The following NR3C2 variants were observed in gnomAD, a reference collection of about 807,000 sequenced individuals.
NR3C2 encodes the protein nuclear receptor subfamily 3 group C member 2, also known as mineralocorticoid receptor.
Under a neutral mutation model 86.4 loss-of-function variants are expected in NR3C2, and 15 were observed. The ratio of observed to expected loss-of-function variants is 0.17; its 90% CI spans 0.12 to 0.27. The LOEUF (loss-of-function observed/expected upper bound fraction) is 0.27, where lower values mean the gene tolerates loss of function less well. NR3C2 is among the 10% of genes least tolerant of loss of function. The pLI is 1.00. For synonymous variants in NR3C2, 458 were observed against 450.5 expected, an observed-to-expected ratio of 1.02 and a Z score of -0.21; for missense variants, 960 against 1,195.6, an observed-to-expected ratio of 0.80 and a Z score of 2.91.
At chr4:148,338,950 G>T (rs1744623402) in intron 2 of NR3C2, among the ~76,000 whole-genome samples, 1 of 151,972 alleles carries the variant, frequency 6.6e-6, no homozygotes, top group South Asian at 2.1e-4. Flanking sequence ...CATCCCTTTT[G>T]CAGTATTTGA....
intron 3 of NR3C2, among the ~76,000 whole-genome samples, chr4:148,216,906 G>T (rs1414197326): frequency 1.3e-5 from 2 of 152,212 alleles, no homozygotes; most frequent in Non-Finnish European, 2.9e-5. Flanking sequence ...CCCACAAGCA[G>T]CTAAGTCTTA....
intron 6 of NR3C2, among the ~76,000 whole-genome samples, chr4:148,131,330 C>T (rs950037491): frequency 1.3e-5 from 2 of 152,104 alleles, no homozygotes; most frequent in Admixed American, 6.5e-5. Context: ...CAAACTGCAT[C>T]GTGTCTGAAT....
At chr4:148,243,195 T>TACCAAAAAAAAAAAAA (rs1739149281) in intron 3 of NR3C2, among the ~76,000 whole-genome samples, 1 of 152,050 alleles carries the variant, frequency 6.6e-6, no homozygotes, top group Non-Finnish European at 1.5e-5. Context: ...CATGCCTGGC[T>TACCAAAAAAAAAAAAA]AATTTTTGTT....
chr4:148,244,319 T>C (rs1020026693), intron 3 of NR3C2, among the ~76,000 whole-genome samples: 2 of 152,190 alleles, frequency 1.3e-5, no homozygotes, highest in Non-Finnish European at 2.9e-5. Flanking sequence ...AAAAATATGT[T>C]TTTAGACAAT....
At chr4:148,444,128 C>G (rs1421348703), upstream of NR3C2, 1 of 985,250 alleles carries the variant, frequency 1.0e-6, no homozygotes, top group African/African-American at 1.7e-5. Flanking sequence ...GGGCGGCGGG[C>G]GGGAGCAAGG....
At chr4:148,363,746 A>G (rs1381340950) in intron 2 of NR3C2, among the ~76,000 whole-genome samples, 2 of 151,624 alleles carry the variant, frequency 1.3e-5, no homozygotes, top group African/African-American at 2.4e-5. Context: ...CTTGTGATCC[A>G]CCCGCCTTGG....
At chr4:148,174,587 G>A (rs1023984214) in intron 4 of NR3C2, among the ~76,000 whole-genome samples, 112 of 152,326 alleles carry the variant, frequency 7.4e-4, no homozygotes, top group African/African-American at 2.6e-3. Flanking sequence ...GAGCATGTAG[G>A]GGGCAAGGCA....
chr4:148,201,646 A>G (rs1206514237), intron 3 of NR3C2, among the ~76,000 whole-genome samples: 1 of 151,960 alleles, frequency 6.6e-6, no homozygotes, highest in Non-Finnish European at 1.5e-5. Context: ...CTGCCTGCCA[A>G]CCCTGGCTGA....
intron 2 of NR3C2, among the ~76,000 whole-genome samples, chr4:148,292,151 C>T (rs1741827052): frequency 6.6e-6 from 1 of 151,170 alleles, no homozygotes; most frequent in Non-Finnish European, 1.5e-5. Context: ...AAATACTTTC[C>T]TATTATGTCT....
intron 2 of NR3C2, among the ~76,000 whole-genome samples, chr4:148,301,722 A>G (rs1742344982): frequency 6.6e-6 from 1 of 152,216 alleles, no homozygotes; most frequent in African/African-American, 2.4e-5. Context: ...CATAACATCA[A>G]GGGTTTTACA....
intron 7 of NR3C2, among the ~76,000 whole-genome samples, chr4:148,115,394 TAAGAAA>T (rs1300590603): frequency 1.3e-5 from 2 of 152,216 alleles, no homozygotes; most frequent in Admixed American, 6.5e-5. Flanking sequence ...TAACACTGAA[TAAGAAA>T]ATCAACTAGA....
intron 4 of NR3C2, among the ~76,000 whole-genome samples, chr4:148,192,840 C>T (rs550624987): frequency 6.6e-6 from 1 of 152,134 alleles, no homozygotes; most frequent in Non-Finnish European, 1.5e-5. Flanking sequence ...GCCACCCCAA[C>T]AGCCCAAGTC....
At chr4:148,404,831 G>A (rs1264351044) in intron 2 of NR3C2, among the ~76,000 whole-genome samples, 3 of 152,068 alleles carry the variant, frequency 2.0e-5, no homozygotes, top group Non-Finnish European at 4.4e-5. Flanking sequence ...TTGCCTCTGA[G>A]AATGTTACCT....
Position 148,320,731 on chromosome 4 carries a change from A to T in NR3C2, c.1758-60614T>A, listed in dbSNP as rs922423611. Among the ~76,000 whole-genome samples the T allele has an allele frequency of 3.4e-4, 52 of 151,840 alleles. 1 individual carries two copies. The highest frequency in any genetic ancestry group is 2.2e-4 in the Non-Finnish European group (15 of 67,976). On this transcript the variant is annotated intron_variant, in intron 2 of 8. Coordinates refer to ENST00000358102, the MANE Select transcript of NR3C2 (RefSeq NM_000901.5). ...TGAGATTGGTGGTGATATCCCCTTTATCATTTTTTTATTGCGTCTATTTGA... is the reference window on the plus strand; with the variant it reads ...TGAGATTGGTGGTGATATCCCCTTTTTCATTTTTTTATTGCGTCTATTTGA...
rs138674569 is a variant in NR3C2 at position 148,246,093 on chromosome 4, T to TAACAAC, written c.1897+13879_1897+13884dup. Among the ~76,000 whole-genome samples the TAACAAC allele has an allele frequency of 5.3e-4, 80 of 150,784 alleles. No individual in the cohort carries two copies. In the Middle Eastern group the frequency reaches 0.017, roughly 32 times the overall value. ...AATGGTGTTCCCTGGTCAGATGCTA[T>TAACAAC]AACAACAACAACAACAACAACAACA... On this transcript the variant is annotated intron_variant, in intron 3 of 8. Transcript: ENST00000358102.
chr4:148,114,721 C>T (rs1522452), intron 7 of NR3C2, among the ~76,000 whole-genome samples: 14,011 of 152,270 alleles, frequency 0.092, 891 homozygotes, highest in Non-Finnish European at 0.14. Context: ...CTTGCCAATA[C>T]TTCAAGATAG....
chr4:148,371,619 G>GAAAAAA (rs57980467), intron 2 of NR3C2, among the ~76,000 whole-genome samples: 1 of 145,096 alleles, frequency 6.9e-6, no homozygotes, highest in Non-Finnish European at 1.5e-5. Flanking sequence ...CACTAGAAGA[G>GAAAAAA]AAAAAAAAAA....
At chr4:148,198,037 TTGAA>T (rs1276367212) in intron 3 of NR3C2, among the ~76,000 whole-genome samples, 1 of 151,984 alleles carries the variant, frequency 6.6e-6, no homozygotes, top group Non-Finnish European at 1.5e-5. Context: ...TAGGATAAAC[TTGAA>T]TGAAGTAGCA....
At chr4:148,373,305 T>C (rs549563671) in intron 2 of NR3C2, among the ~76,000 whole-genome samples, 1 of 152,146 alleles carries the variant, frequency 6.6e-6, no homozygotes, top group South Asian at 2.1e-4. Context: ...ATCTCACCTA[T>C]TGAAATCCAT....
Sources: allele counts gnomAD v4.1 joint callset (sites outside exome capture counted in the v4.1 genomes callset), GRCh38; gene constraint gnomAD v4.1.1; transcripts MANE v1.5; gene names NCBI Gene and HGNC (gene_info 2026-07-23, HGNC 2026-07-21).